The following PGAP1 variants were observed in gnomAD, a reference collection of about 807,000 sequenced individuals.
PGAP1 encodes the protein GPI inositol-deacylase.
PGAP1 carries 76 observed loss-of-function variants against 127.0 expected under a neutral mutation model. That is an observed-to-expected ratio of 0.60 (90% CI 0.50 to 0.72). PGAP1 has a LOEUF of 0.72. PGAP1 is among the 30% of genes least tolerant of loss of function. PGAP1 has a pLI of 0.00. For synonymous variants in PGAP1, 362 were observed against 366.5 expected, an observed-to-expected ratio of 0.99 and a Z score of 0.14; for missense variants, 982 against 1,071.3, an observed-to-expected ratio of 0.92 and a Z score of 1.16.
In PGAP1 at chr2:196,892,375, CT is replaced by C; in HGVS notation, c.1059del (p.Val354CysfsTer7). ...LTGTSMWVLV[K>X]VSKWTYVAYN... Reference sequence around the variant, plus strand: ...TAAGCTACATAGGTCCATTTGGACACTTTTACTAGAACCCACATAGATGTCC... The same window carrying C: ...TAAGCTACATAGGTCCATTTGGACACTTTACTAGAACCCACATAGATGTCC... On this transcript the variant is annotated frameshift_variant, in exon 9 of 27. Transcript: ENST00000354764. LOFTEE classifies it high-confidence loss of function. 2 of 1,498,832 alleles carry C rather than the reference CT, an allele frequency of 1.3e-6. No homozygotes were observed. Among genetic ancestry groups the C allele is most frequent in the South Asian group, 1.2e-5 (1 of 81,432 alleles). 92.8% of individuals were successfully genotyped at this position (1,498,832 alleles called of 1,614,324 possible). A position where few individuals can be genotyped will look rare whatever the true frequency, so the allele number is the denominator to read the frequency against.
chr2:196,843,884 G>A lies in PGAP1; in HGVS notation c.2525+4C>T, dbSNP rs762174531. Reference sequence around the variant, plus strand: ...TAAACAATAATTATATCAATAAAACGCACCTAAGATTCTTTAGCCAATAAA... The same window carrying A: ...TAAACAATAATTATATCAATAAAACACACCTAAGATTCTTTAGCCAATAAA... On this transcript the variant is annotated splice_donor_region_variant and intron_variant, in intron 25 of 26. Transcript: ENST00000354764. 70 of 1,478,886 alleles carry A rather than the reference G, an allele frequency of 4.7e-5. No individual in the cohort carries two copies. Among genetic ancestry groups the A allele is most frequent in the Non-Finnish European group, 5.7e-5 (63 of 1,097,982 alleles). 91.6% of individuals were successfully genotyped at this position (1,478,886 alleles called of 1,614,324 possible).
At chr2:196,889,271 A>G (rs1211277532) in intron 10 of PGAP1, among the ~76,000 whole-genome samples, 2 of 152,158 alleles carry the variant, frequency 1.3e-5, no homozygotes, top group African/African-American at 4.8e-5. Flanking sequence ...GCCCATCTAG[A>G]TTTTAGGCTG....
chr2:196,860,888 T>C (rs1479806871), intron 20 of PGAP1, among the ~76,000 whole-genome samples: 1 of 152,164 alleles, frequency 6.6e-6, no homozygotes, highest in Non-Finnish European at 1.5e-5. Context: ...AAAAAAGTCC[T>C]GAGCAAAAAG....
intron 3 of PGAP1, among the ~76,000 whole-genome samples, chr2:196,915,016 C>T (rs1444920607): frequency 6.6e-6 from 1 of 152,092 alleles, no homozygotes; most frequent in Admixed American, 6.5e-5. Flanking sequence ...CAGGGTCTCA[C>T]TATGTTGCCT....
intron 3 of PGAP1, 128 bp from the exon 4 acceptor site, chr2:196,913,181 A>G: frequency 1.3e-6 from 1 of 786,206 alleles, no homozygotes; most frequent in South Asian, 2.0e-5. Context: ...ACCTCCCATC[A>G]TAAGGTACAG....
chr2:196,834,939 G>A lies in PGAP1; in HGVS notation c.*6295C>T, dbSNP rs997234920. On this transcript the variant is annotated 3_prime_UTR_variant, in exon 27 of 27. Coordinates refer to ENST00000354764, the MANE Select transcript of PGAP1 (RefSeq NM_024989.4). ...TCACTAAATCAAGGCCAGAGATTTC[G>A]ATATTTGGCTTTCTGTCCTGCCTCC... 6.6e-5 allele frequency: 10 copies of A among 151,900 alleles called. No homozygotes were observed. The highest frequency in any genetic ancestry group is 2.2e-4 in the African/African-American group (9 of 41,434). The allele number at this position is 151,900 out of a possible 1,614,324, so 9.4% of individuals were successfully genotyped here.
chr2:196,888,289 T>C (rs1021803505), intron 10 of PGAP1, among the ~76,000 whole-genome samples: 1 of 152,048 alleles, frequency 6.6e-6, no homozygotes, highest in Non-Finnish European at 1.5e-5. Flanking sequence ...CTAAAAACCA[T>C]CAAGTGAAAG....
intron 20 of PGAP1, among the ~76,000 whole-genome samples, chr2:196,861,320 G>C (rs560629586): frequency 6.6e-6 from 1 of 152,206 alleles, no homozygotes; most frequent in East Asian, 1.9e-4. Context: ...AAAGCAAAAT[G>C]AGATAATATC....
At chr2:196,866,166 C>G (rs538358605) in intron 19 of PGAP1, among the ~76,000 whole-genome samples, 5 of 152,308 alleles carry the variant, frequency 3.3e-5, no homozygotes, top group South Asian at 2.1e-4. Flanking sequence ...ATAGCCAAGA[C>G]AATCCTAAGC....
chr2:196,834,331 G>C lies in PGAP1; in HGVS notation c.*6903C>G, dbSNP rs1436143278. 6.6e-6 allele frequency: 1 copy of C among 152,470 alleles called. No homozygotes were observed. Among genetic ancestry groups the C allele is most frequent in the Non-Finnish European group, 1.5e-5 (1 of 67,918 alleles). The allele number at this position is 152,470 out of a possible 1,614,324, so 9.4% of individuals were successfully genotyped here. A position where few individuals can be genotyped will look rare whatever the true frequency, so the allele number is the denominator to read the frequency against. ...TCTGGAAATACTAAAGGAAATACCA[G>C]TCAACTTTTATTTTAAACTTTTATT... On this transcript the variant is annotated 3_prime_UTR_variant, in exon 27 of 27. Transcript: ENST00000354764.
chr2:196,890,070 A>T (rs1702050920), intron 10 of PGAP1, among the ~76,000 whole-genome samples: 1 of 151,886 alleles, frequency 6.6e-6, no homozygotes. Flanking sequence ...AGTAGCAGAA[A>T]CTACAGGTGC....
Position 196,919,978 on chromosome 2 carries a change from T to C in PGAP1, c.301+19A>G, listed in dbSNP as rs756162670. 1.9e-6 allele frequency: 3 copies of C among 1,584,974 alleles called. No homozygotes were observed. The highest frequency in any genetic ancestry group is 2.6e-6 in the Non-Finnish European group (3 of 1,169,398). ...GTTGAATTTTATAGCTTTCAAAATT[T>C]ACTTCCAGTAAGACTTACCTTGCTT... On this transcript the variant is annotated intron_variant, in intron 2 of 26. Coordinates refer to ENST00000354764, the MANE Select transcript of PGAP1 (RefSeq NM_024989.4).
intron 15 of PGAP1, 51 bp downstream of exon 15, chr2:196,873,634 T>C (rs1487195051): frequency 2.5e-6 from 4 of 1,595,176 alleles, no homozygotes; most frequent in East Asian, 4.5e-5. Flanking sequence ...TATGTTAAAG[T>C]AAACATTAAA....
chr2:196,919,545 T>C lies in PGAP1; in HGVS notation c.301+452A>G, dbSNP rs1161671693. Among the ~76,000 whole-genome samples, 8 of 152,170 alleles carry C rather than the reference T, an allele frequency of 5.3e-5. No individual in the cohort carries two copies. In the East Asian group the frequency reaches 1.3e-3, roughly 26 times the overall value. ...ACGTAACTTCCCTATCTCACCTTTC[T>C]ATGTTCCCCCCAGTACTTCCAAATC... On this transcript the variant is annotated intron_variant, in intron 2 of 26. Coordinates refer to ENST00000354764, the MANE Select transcript of PGAP1 (RefSeq NM_024989.4).
rs549982124 is a variant in PGAP1 at position 196,922,769 on chromosome 2, T to C, written c.148-2619A>G. 5.2e-4 allele frequency: 80 copies of C among 153,810 alleles called. 1 individual carries two copies. The highest frequency in any genetic ancestry group is 8.4e-4 in the Non-Finnish European group (60 of 71,324). 9.5% of individuals were successfully genotyped at this position (153,810 alleles called of 1,614,324 possible). A position where few individuals can be genotyped will look rare whatever the true frequency, so the allele number is the denominator to read the frequency against. ...AATCTCAGCTCACTGTAGCTTCGAC[T>C]TCCCGGGCTCAAGTGATCCTCCTAC... is the stretch of plus-strand genomic sequence containing the variant. On this transcript the variant is annotated intron_variant, in intron 1 of 26. Coordinates refer to ENST00000354764, the MANE Select transcript of PGAP1 (RefSeq NM_024989.4).
At chr2:196,892,978 C>T (rs567637496) in intron 8 of PGAP1, among the ~76,000 whole-genome samples, 162 bp downstream of exon 8, 3 of 151,992 alleles carry the variant, frequency 2.0e-5, no homozygotes, top group Non-Finnish European at 4.4e-5. Context: ...AAGAACTGCA[C>T]CAGCATCATC....
chr2:196,840,988 G>A lies in PGAP1; in HGVS notation c.*246C>T, dbSNP rs774677185. ...ATGCACAGGAGTCCTCAATGATAGTGATCACCATATATCCCTTCATGAATT... is the reference window on the plus strand; with the variant it reads ...ATGCACAGGAGTCCTCAATGATAGTAATCACCATATATCCCTTCATGAATT... On this transcript the variant is annotated 3_prime_UTR_variant, in exon 27 of 27. Transcript: ENST00000354764. 5.5e-6 allele frequency: 2 copies of A among 363,974 alleles called. No homozygotes were observed. Among genetic ancestry groups the A allele is most frequent in the East Asian group, 8.7e-5 (2 of 22,908 alleles). 22.5% of individuals were successfully genotyped at this position (363,974 alleles called of 1,614,324 possible).
chr2:196,843,332 T>A (rs1700466188), intron 25 of PGAP1, among the ~76,000 whole-genome samples: 1 of 152,182 alleles, frequency 6.6e-6, no homozygotes. Flanking sequence ...GGATATTGAC[T>A]AAAATAAGGA....
rs777647546 is a variant in PGAP1, at chr2:196,845,995, T to C, written c.2173A>G (p.Ile725Val). The C allele has an allele frequency of 2.5e-6, 4 of 1,597,592 alleles. No individual in the cohort carries two copies. The highest frequency in any genetic ancestry group is 4.5e-5 in the East Asian group (2 of 44,552). ...GGCAAGTCTGGTGATATCATCTTGA[T>C]ATCTTTAGGAAGTTCAGAGGGTCTG... The part of the protein sequence containing the change: ...LKRPSELPKD[I>V]KMISPDLPFL... The change falls in exon 23 of 27, where the codon ATC becomes GTC. Residue 725 changes from isoleucine (I) to valine (V), a missense_variant. Ile to Val is a conservative substitution (Grantham distance 29). Coordinates refer to ENST00000354764, the MANE Select transcript of PGAP1 (RefSeq NM_024989.4).
Sources: gnomAD v4.1 joint callset for allele counts (sites outside exome capture counted in the v4.1 genomes callset) on GRCh38, gnomAD v4.1.1 for gene constraint, MANE v1.5 for transcripts, NCBI Gene and HGNC (gene_info 2026-07-23, HGNC 2026-07-21) for gene names.